CCSER1: variants seen among roughly 807,000 people sequenced by gnomAD.
CCSER1 encodes serine-rich coiled-coil domain-containing protein 1.
CCSER1 carries 41 observed loss-of-function variants against 82.0 expected under a neutral mutation model. The ratio of observed to expected loss-of-function variants is 0.50; its 90% CI spans 0.39 to 0.65. The LOEUF (loss-of-function observed/expected upper bound fraction) is 0.65, where lower values mean the gene tolerates loss of function less well. CCSER1 is among the 30% of genes least tolerant of loss of function. The pLI, the probability that CCSER1 is intolerant of heterozygous loss-of-function variation, is 0.00. For missense variants in CCSER1, 1,119 were observed against 1,064.2 expected, an observed-to-expected ratio of 1.05 and a Z score of -0.72; for synonymous variants, 414 against 383.9, an observed-to-expected ratio of 1.08 and a Z score of -0.92.
At chr4:91,392,363 G>GCACACATGCACACA (rs1553932163) in intron 10 of CCSER1, among the ~76,000 whole-genome samples, 13 of 148,118 alleles carry the variant, frequency 8.8e-5, no homozygotes, top group East Asian at 2.0e-4. Flanking sequence ...ACCTACACAT[G>GCACACATGCACACA]CACACACACA....
intron 10 of CCSER1, among the ~76,000 whole-genome samples, chr4:91,210,558 A>C (rs1445674631): frequency 6.6e-6 from 1 of 151,462 alleles, no homozygotes; most frequent in Non-Finnish European, 1.5e-5. Flanking sequence ...TTTTTTTAAT[A>C]CTCCTTCCAA....
intron 10 of CCSER1, among the ~76,000 whole-genome samples, chr4:91,588,443 A>G (rs73836285): frequency 0.099 from 14,986 of 151,576 alleles, 756 homozygotes; most frequent in Middle Eastern, 0.16. Flanking sequence ...CTTCTTTAAA[A>G]ATTGGTTCTA....
chr4:91,459,247 G>A (rs556516611), intron 10 of CCSER1, among the ~76,000 whole-genome samples: 2 of 152,182 alleles, frequency 1.3e-5, no homozygotes, highest in Admixed American at 1.3e-4. Flanking sequence ...AGTGTTGTAT[G>A]AAAGGGAGGC....
At chr4:90,707,665 C>A (rs1474824628) in intron 6 of CCSER1, among the ~76,000 whole-genome samples, 1 of 152,080 alleles carries the variant, frequency 6.6e-6, no homozygotes, top group African/African-American at 2.4e-5. Flanking sequence ...CTTCCACACT[C>A]ACCCTTCTAC....
At chr4:91,376,726 T>A (rs1406187400) in intron 10 of CCSER1, among the ~76,000 whole-genome samples, 1 of 152,134 alleles carries the variant, frequency 6.6e-6, no homozygotes, top group Non-Finnish European at 1.5e-5. Flanking sequence ...AAAAAGGCAC[T>A]ATCAAATATT....
chr4:90,285,554 T>G (rs1033341744), intron 1 of CCSER1, among the ~76,000 whole-genome samples: 1 of 152,034 alleles, frequency 6.6e-6, no homozygotes, highest in Non-Finnish European at 1.5e-5. Context: ...AGTCTTTCAG[T>G]TTTTCTAAAT....
In CCSER1 at chr4:90,971,082, G is replaced by A. The variant is rs866619270; in HGVS notation, c.2172+47635G>A. On this transcript the variant is annotated intron_variant, in intron 9 of 10. Transcript: ENST00000509176. ...TAGTAAATATTACAGCAGAAGTAAA[G>A]TAGAGGCTAGAAAAATAATAAAAAA... Among the ~76,000 whole-genome samples the A allele has an allele frequency of 5.9e-5, 9 of 151,982 alleles. 1 individual carries two copies. In the Middle Eastern group the frequency reaches 0.02, roughly 345 times the overall value.
chr4:91,276,414 T>C (rs566446958), intron 10 of CCSER1, among the ~76,000 whole-genome samples: 7 of 151,404 alleles, frequency 4.6e-5, no homozygotes, highest in Non-Finnish European at 8.8e-5. Flanking sequence ...TATTGAAAAA[T>C]GAGATTACCT....
intron 10 of CCSER1, among the ~76,000 whole-genome samples, chr4:91,495,854 T>G (rs1758774898): frequency 6.6e-6 from 1 of 151,682 alleles, no homozygotes; most frequent in Non-Finnish European, 1.5e-5. Context: ...TTTTTTCTGA[T>G]GTACAATGAG....
intron 4 of CCSER1, among the ~76,000 whole-genome samples, chr4:90,452,729 A>G (rs1761632244): frequency 6.6e-6 from 1 of 152,214 alleles, no homozygotes; most frequent in Admixed American, 6.5e-5. Flanking sequence ...CTGGTTCCCA[A>G]GTTAGGGAGT....
chr4:90,695,717 C>T lies in CCSER1; in HGVS notation c.1933-28197C>T, dbSNP rs192667976. ...AACCAATCATCTCTTTACATTAGCA[C>T]ATTTTATTTCATTTACTGATATTAT... On this transcript the variant is annotated intron_variant, in intron 6 of 10. Transcript: ENST00000509176. Among the ~76,000 whole-genome samples the T allele has an allele frequency of 6.8e-4, 103 of 152,110 alleles. 1 individual carries two copies. The highest frequency in any genetic ancestry group is 1.2e-3 in the Admixed American group (18 of 15,252).
intron 4 of CCSER1, among the ~76,000 whole-genome samples, chr4:90,459,879 C>T (rs1762656370): frequency 6.6e-6 from 1 of 152,016 alleles, no homozygotes; most frequent in South Asian, 2.1e-4. Flanking sequence ...TTGCCAGCCC[C>T]AAACATACTA....
At chr4:91,352,526 G>T (rs971575512) in intron 10 of CCSER1, among the ~76,000 whole-genome samples, 12 of 152,186 alleles carry the variant, frequency 7.9e-5, no homozygotes, top group Admixed American at 5.9e-4. Context: ...TTACAGGCGT[G>T]AGCCACCGTG....
At chr4:91,349,075 C>T (rs916341902) in intron 10 of CCSER1, among the ~76,000 whole-genome samples, 14 of 151,854 alleles carry the variant, frequency 9.2e-5, no homozygotes, top group African/African-American at 3.4e-4. Context: ...GCCCGGCTAA[C>T]TTTCTGTATT....
intron 10 of CCSER1, among the ~76,000 whole-genome samples, chr4:91,251,351 C>G (rs928015171): frequency 1.3e-5 from 2 of 152,060 alleles, no homozygotes; most frequent in Non-Finnish European, 2.9e-5. Flanking sequence ...GAAGGCTCTA[C>G]CCTCATGACC....
At chr4:91,312,173 TA>T (rs1412300425) in intron 10 of CCSER1, among the ~76,000 whole-genome samples, 1 of 151,700 alleles carries the variant, frequency 6.6e-6, no homozygotes, top group Non-Finnish European at 1.5e-5. Flanking sequence ...CTAAACATAA[TA>T]ATAGTAATAT....
intron 10 of CCSER1, among the ~76,000 whole-genome samples, chr4:91,176,650 G>A (rs545434683): frequency 7.1e-4 from 108 of 152,248 alleles, no homozygotes; most frequent in Admixed American, 6.1e-3. Flanking sequence ...GAATGCTTGT[G>A]ATTTTTGCAC....
intron 5 of CCSER1, among the ~76,000 whole-genome samples, chr4:90,532,862 A>C (rs927848289): frequency 1.3e-5 from 2 of 152,132 alleles, no homozygotes; most frequent in Non-Finnish European, 2.9e-5. Flanking sequence ...TCTCCCAAGT[A>C]TCTATCTTGG....
chr4:91,004,325 C>G (rs1738314562), intron 9 of CCSER1, among the ~76,000 whole-genome samples: 1 of 152,108 alleles, frequency 6.6e-6, no homozygotes, highest in Non-Finnish European at 1.5e-5. Context: ...TTTCAGTGCC[C>G]AGGAAGTCAT....
Sources: allele counts gnomAD v4.1 joint callset (sites outside exome capture counted in the v4.1 genomes callset), GRCh38; gene constraint gnomAD v4.1.1; transcripts MANE v1.5; gene names NCBI Gene and HGNC (gene_info 2026-07-23, HGNC 2026-07-21).